Variants in KLF17 observed in about 807,000 individuals in gnomAD.
KLF17 encodes Krueppel-like factor 17.
In KLF17, 31 loss-of-function variants were observed where a neutral mutation model predicts 34.2. The observed-to-expected ratio is 0.91, with a 90% CI of 0.68 to 1.22. KLF17 has a LOEUF of 1.22. Ranked by LOEUF, KLF17 falls within the 50% of genes most tolerant of loss-of-function variation. The pLI is 0.00. For missense variants in KLF17, 478 were observed against 505.2 expected, an observed-to-expected ratio of 0.95 and a Z score of 0.52; for synonymous variants, 179 against 186.7, an observed-to-expected ratio of 0.96 and a Z score of 0.34.
chr1:44,070,590 C>CT, the KLF17 span, among the ~76,000 whole-genome samples: 8,813 of 78,650 alleles, frequency 0.11, 2,095 homozygotes, highest in Non-Finnish European at 0.15. Context: ...TTTCCCTTGT[C>CT]TTTTTTTTTT....
the KLF17 span, among the ~76,000 whole-genome samples, chr1:44,071,538 T>G: frequency 6.6e-6 from 1 of 152,084 alleles, no homozygotes; most frequent in African/African-American, 2.4e-5. Context: ...GGCCCCAAGC[T>G]CAAGCCTTTC....
At chr1:44,123,164 C>T (rs2087968606) in intron 1 of KLF17, among the ~76,000 whole-genome samples, 1 of 152,046 alleles carries the variant, frequency 6.6e-6, no homozygotes. Context: ...TTGATCGCAC[C>T]ATTCACATCT....
chr1:44,092,171 C>T, the KLF17 span, among the ~76,000 whole-genome samples: 774 of 152,014 alleles, frequency 5.1e-3, 4 homozygotes, highest in Admixed American at 0.011. Context: ...GGAGAAACAC[C>T]ATCTCTACTT....
chr1:44,098,477 T>C, the KLF17 span, among the ~76,000 whole-genome samples: 1 of 78,880 alleles, frequency 1.3e-5, no homozygotes, highest in Non-Finnish European at 3.2e-5. Flanking sequence ...ATCTTTATTA[T>C]TATTTTTTTT....
At chr1:44,107,583 C>G in the KLF17 span, among the ~76,000 whole-genome samples, 1 of 152,144 alleles carries the variant, frequency 6.6e-6, no homozygotes, top group Non-Finnish European at 1.5e-5. Flanking sequence ...TCCACTCCGT[C>G]CTGCTCAGGA....
chr1:44,073,686 G>A, the KLF17 span, among the ~76,000 whole-genome samples: 2 of 152,192 alleles, frequency 1.3e-5, no homozygotes, highest in South Asian at 2.1e-4. Flanking sequence ...GGCCCTGGCT[G>A]GGAGGGACCT....
chr1:44,060,661 C>T, the KLF17 span, among the ~76,000 whole-genome samples: 1 of 152,072 alleles, frequency 6.6e-6, no homozygotes, highest in Non-Finnish European at 1.5e-5. Context: ...ACCTACTCAA[C>T]CCTAGTCAAC....
rs2088147134 is a variant in KLF17, at chr1:44,134,456, G to A, written c.*1219G>A. On this transcript the variant is annotated 3_prime_UTR_variant, in exon 4 of 4. Transcript: ENST00000372299. ...ACGGGAGAATCGCTTGAACCCAGGA[G>A]GCGGAGGTTGCAGTGAGCTCAGATC... The A allele has an allele frequency of 6.6e-6, 1 of 152,344 alleles. No homozygotes were observed. The highest frequency in any genetic ancestry group is 1.5e-5 in the Non-Finnish European group (1 of 68,200). The allele number at this position is 152,344 out of a possible 1,614,324, so 9.4% of individuals were successfully genotyped here. A position where few individuals can be genotyped will look rare whatever the true frequency, so the allele number is the denominator to read the frequency against.
chr1:44,124,353 A>T (rs533334350), intron 1 of KLF17, among the ~76,000 whole-genome samples: 26 of 149,122 alleles, frequency 1.7e-4, no homozygotes, highest in Admixed American at 1.7e-3. Flanking sequence ...TTTTTGAGAC[A>T]GAGTCTCGCT....
At chr1:44,062,370 C>A in the KLF17 span, among the ~76,000 whole-genome samples, 2 of 152,002 alleles carry the variant, frequency 1.3e-5, no homozygotes, top group Non-Finnish European at 1.5e-5. Context: ...TCTACACAAA[C>A]CCTTCAAATT....
At chr1:44,067,559 C>G in the KLF17 span, among the ~76,000 whole-genome samples, 1 of 152,156 alleles carries the variant, frequency 6.6e-6, no homozygotes, top group Non-Finnish European at 1.5e-5. Context: ...TGTGTGGATA[C>G]TGTCTTCAGC....
chr1:44,132,986 G>A (rs2088128922), intron 3 of KLF17, among the ~76,000 whole-genome samples: 1 of 152,224 alleles, frequency 6.6e-6, no homozygotes, highest in Non-Finnish European at 1.5e-5. Flanking sequence ...TCTTCCGTAA[G>A]AAGATGGTGC....
At chr1:44,083,283 T>C in the KLF17 span, among the ~76,000 whole-genome samples, 1 of 148,718 alleles carries the variant, frequency 6.7e-6, no homozygotes, top group African/African-American at 2.5e-5. Flanking sequence ...TGAGTAGGGT[T>C]TTTTTTTTTT....
the KLF17 span, among the ~76,000 whole-genome samples, chr1:44,059,858 A>G: frequency 6.6e-6 from 1 of 152,060 alleles, no homozygotes; most frequent in Non-Finnish European, 1.5e-5. Flanking sequence ...GTCAGTGAGG[A>G]GACCATATAT....
chr1:44,121,767 A>G (rs1291219730), intron 1 of KLF17, among the ~76,000 whole-genome samples: 1 of 152,180 alleles, frequency 6.6e-6, no homozygotes, highest in Non-Finnish European at 1.5e-5. Context: ...CCTCATGTGT[A>G]TGGTAGGTTT....
In KLF17 at chr1:44,127,638, C is replaced by CTTTTCTTTCTTTCTTT. The variant is rs1557731745; in HGVS notation, c.82-1715_82-1714insTTTTCTTTCTTTCTTT. Among the ~76,000 whole-genome samples the CTTTTCTTTCTTTCTTT allele has an allele frequency of 3.0e-4, 18 of 59,508 alleles. No homozygotes were observed. The East Asian group carries it at 0.011, about 35-fold the overall frequency. 39.0% of individuals were successfully genotyped at this position (59,508 alleles called of 152,430 possible). Reference sequence around the variant, plus strand: ...TCTTTTCTTTTCTTTTCTTTTCTTTCCTTCTTTCTTTCTTTCTTTCTTTCT... The same window carrying CTTTTCTTTCTTTCTTT: ...TCTTTTCTTTTCTTTTCTTTTCTTTCTTTTCTTTCTTTCTTTCTTCTTTCTTTCTTTCTTTCTTTCT... On this transcript the variant is annotated intron_variant, in intron 1 of 3. Transcript: ENST00000372299.
At position 44,123,158 on chromosome 1, in the gene KLF17, T is replaced by A. The variant is rs373420062; in HGVS notation, c.81+4170T>A. On this transcript the variant is annotated intron_variant, in intron 1 of 3. Transcript: ENST00000372299. ...CCAGCCCAAAATGAACCATGATTGA[T>A]CGCACCATTCACATCTCAGCCTCTG... Among the ~76,000 whole-genome samples, 5 of 152,106 alleles carry A rather than the reference T, an allele frequency of 3.3e-5. No homozygotes were observed. The South Asian group carries it at 6.2e-4, about 19-fold the overall frequency.
At chr1:44,124,482 C>T (rs1224619222) in intron 1 of KLF17, among the ~76,000 whole-genome samples, 1 of 147,270 alleles carries the variant, frequency 6.8e-6, no homozygotes, top group Non-Finnish European at 1.5e-5. Flanking sequence ...GCACGTGCCA[C>T]CACACTTGGC....
chr1:44,092,266 C>T, the KLF17 span, among the ~76,000 whole-genome samples: 18 of 151,752 alleles, frequency 1.2e-4, no homozygotes, highest in South Asian at 2.1e-4. Context: ...CACTTGAATC[C>T]GGGAGGCTGA....
Sources: allele counts gnomAD v4.1 joint callset (sites outside exome capture counted in the v4.1 genomes callset), GRCh38; gene constraint gnomAD v4.1.1; transcripts MANE v1.5; gene names NCBI Gene and HGNC (gene_info 2026-07-23, HGNC 2026-07-21).